The following STAG1 variants were observed in gnomAD, a reference collection of about 807,000 sequenced individuals.
The protein encoded by STAG1 is cohesin subunit SA-1.
Under a neutral mutation model 170.9 loss-of-function variants are expected in STAG1, and 26 were observed. The ratio of observed to expected loss-of-function variants is 0.15; its 90% CI spans 0.11 to 0.21. The LOEUF is 0.21. STAG1 is among the 10% of genes least tolerant of loss of function. The pLI, the probability that STAG1 is intolerant of heterozygous loss-of-function variation, is 1.00. For synonymous variants in STAG1, 514 were observed against 497.7 expected (o/e 1.03, Z -0.44); for missense variants, 964 against 1,509.5 (o/e 0.64, Z 5.99).
chr3:136,400,422 T>C (rs2087289430), intron 21 of STAG1, among the ~76,000 whole-genome samples: 1 of 152,178 alleles, frequency 6.6e-6, no homozygotes, highest in Non-Finnish European at 1.5e-5. Flanking sequence ...GGTTTTGCCA[T>C]GTTGCCCAGG....
chr3:136,573,697 G>C (rs912436618), intron 4 of STAG1, among the ~76,000 whole-genome samples: 1 of 152,176 alleles, frequency 6.6e-6, no homozygotes, highest in African/African-American at 2.4e-5. Context: ...AACTGGCCGG[G>C]CATGGTGGCT....
In STAG1 at chr3:136,396,263, G is replaced by C. The variant is rs994108352; in HGVS notation, c.2277+2486C>G. On this transcript the variant is annotated intron_variant, in intron 22 of 33. Coordinates refer to ENST00000383202, the MANE Select transcript of STAG1 (RefSeq NM_005862.3). The stretch of plus-strand genomic sequence containing the variant: ...CAGAGTCTCGCTCTGTCGCCCAGGC[G>C]GGGGTGCAGCCACGCGATCTCTCCG... Among the ~76,000 whole-genome samples, 5 of 145,296 alleles carry C rather than the reference G, an allele frequency of 3.4e-5. No homozygotes were observed. In the South Asian group the frequency reaches 8.8e-4, roughly 26 times the overall value.
In STAG1 at chr3:136,379,677, C is replaced by G. The variant is rs567975824; in HGVS notation, c.2278-1925G>C. Among the ~76,000 whole-genome samples, 338 of 152,176 alleles carry G rather than the reference C, an allele frequency of 2.2e-3. 7 individuals carry two copies. Among genetic ancestry groups the G allele is most frequent in the Non-Finnish European group, 3.2e-4 (22 of 68,014 alleles). On this transcript the variant is annotated intron_variant, in intron 22 of 33. Coordinates refer to ENST00000383202, the MANE Select transcript of STAG1 (RefSeq NM_005862.3). ...TGAGCCGAGACTGCGCCACTGCACC[C>G]CAGCCCGGTCAATAGAGCAAGACTC...
At chr3:136,496,175 C>A (rs1330683431) in intron 9 of STAG1, among the ~76,000 whole-genome samples, 5 of 151,478 alleles carry the variant, frequency 3.3e-5, no homozygotes, top group Non-Finnish European at 7.4e-5. Flanking sequence ...AAAAAACCCC[C>A]AAAAAACACA....
At chr3:136,522,755 T>C (rs1232133932) in intron 6 of STAG1, among the ~76,000 whole-genome samples, 1 of 126,672 alleles carries the variant, frequency 7.9e-6, no homozygotes, top group East Asian at 2.7e-4. Context: ...GCGTGTGACG[T>C]TCCCTTCCTG....
rs551004604 is a variant in STAG1 at position 136,552,817 on chromosome 3, A to G, written c.395-10622T>C. 2.6e-5 allele frequency among the ~76,000 whole-genome samples: 4 copies of G among 152,344 alleles called. No homozygotes were observed. In the East Asian group the frequency reaches 7.7e-4, roughly 29 times the overall value. On this transcript the variant is annotated intron_variant, in intron 5 of 33. Coordinates refer to ENST00000383202, the MANE Select transcript of STAG1 (RefSeq NM_005862.3). Reference sequence around the variant, plus strand: ...ACTGAAAGAAAATCTCAAACTCTCTATTCAATTACAAATGGTCCTAGATTG... The same window carrying G: ...ACTGAAAGAAAATCTCAAACTCTCTGTTCAATTACAAATGGTCCTAGATTG...
intron 30 of STAG1, among the ~76,000 whole-genome samples, chr3:136,341,821 TG>T (rs965321377): frequency 7.9e-5 from 12 of 152,356 alleles, no homozygotes; most frequent in African/African-American, 2.9e-4. Flanking sequence ...TGTTTTGGGC[TG>T]GTGCCGCACT....
At chr3:136,470,377 G>A (rs1179158637) in intron 12 of STAG1, among the ~76,000 whole-genome samples, 13 of 152,114 alleles carry the variant, frequency 8.5e-5, no homozygotes, top group Non-Finnish European at 5.9e-5. Context: ...CAACAGACAC[G>A]TGAAATAATG....
At chr3:136,487,349 T>C (rs114853234) in intron 9 of STAG1, among the ~76,000 whole-genome samples, 79 of 152,352 alleles carry the variant, frequency 5.2e-4, no homozygotes, top group African/African-American at 1.8e-3. Context: ...ATGGAGTGTA[T>C]GTACCACATT....
At chr3:136,618,257 A>G (rs936372367) in intron 3 of STAG1, among the ~76,000 whole-genome samples, 12 of 152,122 alleles carry the variant, frequency 7.9e-5, no homozygotes, top group African/African-American at 2.9e-4. Context: ...AAATTAGCCA[A>G]TCGGAATTAG....
At chr3:136,681,311 T>C (rs368994430) in intron 1 of STAG1, among the ~76,000 whole-genome samples, 3 of 152,222 alleles carry the variant, frequency 2.0e-5, no homozygotes, top group East Asian at 1.9e-4. Context: ...TATGCCCTAA[T>C]TGAAGAATAT....
chr3:136,478,188 T>A (rs1381629415), intron 9 of STAG1, among the ~76,000 whole-genome samples: 1 of 152,220 alleles, frequency 6.6e-6, no homozygotes, highest in Non-Finnish European at 1.5e-5. Flanking sequence ...ATAATATATT[T>A]TTTAGGCTGA....
At position 136,654,310 on chromosome 3, in the gene STAG1, C is replaced by T. The variant is rs1423555488; in HGVS notation, c.-83-23329G>A. Among the ~76,000 whole-genome samples the T allele has an allele frequency of 2.0e-5, 3 of 152,070 alleles. No homozygotes were observed. The East Asian group carries it at 5.8e-4, about 29-fold the overall frequency. On this transcript the variant is annotated intron_variant, in intron 1 of 33. Coordinates refer to ENST00000383202, the MANE Select transcript of STAG1 (RefSeq NM_005862.3). ...CAAGTAGCAGGATACAAAGTCAACA[C>T]ACATAAAAAAAATCAGTTGCATTTC...
intron 6 of STAG1, among the ~76,000 whole-genome samples, chr3:136,525,768 T>A (rs566464352): frequency 6.6e-6 from 1 of 152,376 alleles, no homozygotes; most frequent in East Asian, 1.9e-4. Flanking sequence ...CTGCTTTAAA[T>A]GTGTCCCAGA....
intron 1 of STAG1, among the ~76,000 whole-genome samples, chr3:136,732,554 T>C (rs1270908266): frequency 6.6e-6 from 1 of 152,222 alleles, no homozygotes; most frequent in Non-Finnish European, 1.5e-5. Context: ...AACACGCTGG[T>C]GATAACCTTC....
At chr3:136,731,738 G>T (rs1216845314) in intron 1 of STAG1, among the ~76,000 whole-genome samples, 1 of 152,184 alleles carries the variant, frequency 6.6e-6, no homozygotes, top group African/African-American at 2.4e-5. Context: ...ATGACTCAAT[G>T]AGCAAAATTA....
chr3:136,411,743 G>A (rs1438585596), intron 21 of STAG1, among the ~76,000 whole-genome samples: 1 of 152,164 alleles, frequency 6.6e-6, no homozygotes, highest in Non-Finnish European at 1.5e-5. Flanking sequence ...AAGGTCAGGA[G>A]TTCAAGACCA....
At chr3:136,720,538 C>A (rs954748720) in intron 1 of STAG1, among the ~76,000 whole-genome samples, 2 of 152,142 alleles carry the variant, frequency 1.3e-5, no homozygotes, top group Admixed American at 1.3e-4. Flanking sequence ...ACCTGTAATA[C>A]CAGCACTTTG....
chr3:136,597,631 C>T lies in STAG1; in HGVS notation c.297+6678G>A, dbSNP rs1388827835. ...GTTCTAATTGGTTATTAATGCCATA[C>T]AGAAAAGGCTACTGATTTTTTAAAC... On this transcript the variant is annotated intron_variant, in intron 4 of 33. Coordinates refer to ENST00000383202, the MANE Select transcript of STAG1 (RefSeq NM_005862.3). Among the ~76,000 whole-genome samples the T allele has an allele frequency of 2.0e-5, 3 of 152,172 alleles. No individual in the cohort carries two copies. In the East Asian group the frequency reaches 5.8e-4, roughly 29 times the overall value.
Sources: allele counts gnomAD v4.1 joint callset (sites outside exome capture counted in the v4.1 genomes callset), GRCh38; gene constraint gnomAD v4.1.1; transcripts MANE v1.5; gene names NCBI Gene and HGNC (gene_info 2026-07-23, HGNC 2026-07-21).